Variants in ADCY7 observed in about 807,000 individuals in gnomAD.
The protein encoded by ADCY7 is adenylate cyclase 7, also known as adenylate cyclase type 7.
ADCY7 carries 72 observed loss-of-function variants against 120.6 expected under a neutral mutation model. The ratio of observed to expected loss-of-function variants is 0.60; its 90% CI spans 0.49 to 0.73. ADCY7 has a LOEUF of 0.73. ADCY7 is among the 30% of genes least tolerant of loss of function. ADCY7 has a pLI of 0.00. For synonymous variants in ADCY7, 661 were observed against 628.0 expected, an observed-to-expected ratio of 1.05 and a Z score of -0.78; for missense variants, 1,227 against 1,486.0, an observed-to-expected ratio of 0.83 and a Z score of 2.87.
intron 3 of ADCY7, 44 bp from the exon 4 acceptor site, chr16:50,291,692 G>C: frequency 6.2e-7 from 1 of 1,612,260 alleles, no homozygotes; most frequent in Non-Finnish European, 8.5e-7. Context: ...GTACGGCCTG[G>C]GGCAGCATCT....
intron 1 of ADCY7, among the ~76,000 whole-genome samples, chr16:50,250,539 G>T (rs928381178): frequency 6.6e-6 from 1 of 152,002 alleles, no homozygotes; most frequent in African/African-American, 2.4e-5. Flanking sequence ...AGCACTTTGG[G>T]AGGTTGAGGT....
chr16:50,254,446 A>G (rs759540854), intron 1 of ADCY7, among the ~76,000 whole-genome samples: 6 of 152,270 alleles, frequency 3.9e-5, no homozygotes, highest in Non-Finnish European at 8.8e-5. Context: ...GAAGCTGTAA[A>G]GTCAACACAC....
upstream of ADCY7, among the ~76,000 whole-genome samples, chr16:50,265,698 G>A (rs1454818314): frequency 6.6e-6 from 1 of 152,230 alleles, no homozygotes; most frequent in East Asian, 1.9e-4. Context: ...GGATGTGGGA[G>A]GTGGAGGAGG....
chr16:50,314,827 C>T, intron 24 of ADCY7, 187 bp from the exon 25 acceptor site: 2 of 658,298 alleles, frequency 3.0e-6, no homozygotes, highest in South Asian at 2.3e-5. Flanking sequence ...AAAGAGCTGG[C>T]CGGGGAATGC....
upstream of ADCY7, among the ~76,000 whole-genome samples, chr16:50,265,868 C>G (rs941636368): frequency 1.3e-5 from 2 of 152,242 alleles, no homozygotes; most frequent in Admixed American, 1.3e-4. Context: ...GATCTGCTCC[C>G]TCGCCACTGA....
intron 14 of ADCY7, 26 bp from the exon 15 acceptor site, chr16:50,307,023 AC>A (rs777190354): frequency 6.0e-5 from 95 of 1,584,448 alleles, no homozygotes; most frequent in Non-Finnish European, 8.1e-5. Context: ...GCTGGTGGCC[AC>A]CCCTCACAGT....
At chr16:50,303,833 A>G (rs1009939269) in intron 10 of ADCY7, among the ~76,000 whole-genome samples, 3 of 152,114 alleles carry the variant, frequency 2.0e-5, no homozygotes. Context: ...CGGGGCGGCT[A>G]GCACCCCTCT....
intron 1 of ADCY7, among the ~76,000 whole-genome samples, chr16:50,272,242 CCG>C (rs2150843427): frequency 1.3e-5 from 2 of 152,238 alleles, no homozygotes; most frequent in South Asian, 4.1e-4. Context: ...ATGCCACCAC[CCG>C]CCTTCTAGGG....
rs369781012 is a variant in ADCY7 at position 50,305,986 on chromosome 16, C to G, written c.1752+137C>G. On this transcript the variant is annotated intron_variant, in intron 14 of 25. Transcript: ENST00000673801. ...GGGCACTGAGAATCCACAGCTGCTC[C>G]TGGGCGGGGGGCAGGGGCGGGGCCA... 2.8e-4 allele frequency: 229 copies of G among 816,032 alleles called. No homozygotes were observed. The African/African-American group carries it at 3.2e-3, about 11-fold the overall frequency. 50.5% of individuals were successfully genotyped at this position (816,032 alleles called of 1,614,324 possible). A position where few individuals can be genotyped will look rare whatever the true frequency, so the allele number is the denominator to read the frequency against.
intron 1 of ADCY7, among the ~76,000 whole-genome samples, chr16:50,254,236 G>A (rs1010057639): frequency 6.6e-5 from 10 of 152,134 alleles, no homozygotes; most frequent in African/African-American, 1.4e-4. Context: ...CCACCAGCAC[G>A]CCACTCCACG....
chr16:50,290,681 C>A (rs771227380), intron 3 of ADCY7, 21 bp downstream of exon 3: 2 of 1,603,558 alleles, frequency 1.2e-6, no homozygotes, highest in Non-Finnish European at 1.7e-6. Context: ...CTCTGGACTC[C>A]CTGCCAGCTG....
chr16:50,305,893 C>T, intron 14 of ADCY7, 44 bp downstream of exon 14: 1 of 1,596,158 alleles, frequency 6.3e-7, no homozygotes, highest in South Asian at 1.1e-5. Flanking sequence ...ACGGGGTCTC[C>T]AGGCCTGGGG....
intron 3 of ADCY7, among the ~76,000 whole-genome samples, chr16:50,291,481 G>A (rs1178024672): frequency 1.3e-5 from 2 of 152,218 alleles, no homozygotes; most frequent in African/African-American, 4.8e-5. Context: ...TGGATCACGC[G>A]GGGCATGGAG....
chr16:50,253,804 G>C (rs1354812881), intron 1 of ADCY7, among the ~76,000 whole-genome samples: 1 of 152,208 alleles, frequency 6.6e-6, no homozygotes, highest in African/African-American at 2.4e-5. Flanking sequence ...GGTGGGGGTG[G>C]AGGCGGTGGT....
rs560116411 is a variant in ADCY7 at position 50,255,841 on chromosome 16, G to A, written c.-64+9638G>A. ...ATGCCAAGGACCCACTATGGGAAAA[G>A]GATAGCCTCTTCAATAAATGGTGTT... On this transcript the variant is annotated intron_variant, in intron 1 of 4. Transcript: ENST00000564044. Among the ~76,000 whole-genome samples, 5 of 152,300 alleles carry A rather than the reference G, an allele frequency of 3.3e-5. No homozygotes were observed. In the South Asian group the frequency reaches 6.2e-4, roughly 19 times the overall value.
chr16:50,297,760 G>A lies in ADCY7; in HGVS notation c.949-1144G>A, dbSNP rs908665277. Among the ~76,000 whole-genome samples the A allele has an allele frequency of 6.6e-6, 1 of 152,196 alleles. No homozygotes were observed. Among genetic ancestry groups the A allele is most frequent in the Non-Finnish European group, 1.5e-5 (1 of 68,028 alleles). ...CCTGGAGACAGATGGTGTTCCAGGA[G>A]CAGGCCTAGCCCTCGTGAGCCTGCA... On this transcript the variant is annotated intron_variant, in intron 7 of 25. Transcript: ENST00000673801. This position sits in a 1 kb window ranked among gnomAD's most constrained non-coding sequence, Gnocchi z 4.4.
chr16:50,314,079 G>C lies in ADCY7; in HGVS notation c.2856+17G>C. 2.5e-6 allele frequency: 4 copies of C among 1,610,452 alleles called. No individual in the cohort carries two copies. Among genetic ancestry groups the C allele is most frequent in the Non-Finnish European group, 3.4e-6 (4 of 1,177,022 alleles). The stretch of plus-strand genomic sequence containing the variant: ...GAGAACCAGGTACTCAAGCCCAAGA[G>C]GTGAAATTCAGCTGACTGTCCTCAC... On this transcript the variant is annotated intron_variant, in intron 23 of 25. Transcript: ENST00000673801.
chr16:50,258,499 T>G lies in ADCY7; in HGVS notation c.-64+12296T>G, dbSNP rs375867742. Among the ~76,000 whole-genome samples the G allele has an allele frequency of 7.7e-5, 10 of 130,102 alleles. 1 individual carries two copies. In the East Asian group the frequency reaches 1.8e-3, roughly 24 times the overall value. 85.4% of individuals were successfully genotyped at this position (130,102 alleles called of 152,430 possible). A position where few individuals can be genotyped will look rare whatever the true frequency, so the allele number is the denominator to read the frequency against. On this transcript the variant is annotated intron_variant, in intron 1 of 4. Coordinates refer to the ADCY7 transcript ENST00000564044. Reference sequence around the variant, plus strand: ...TGATTTTTTTCACACAACAGCACATTGGAGATGCTATTGGAAATTTCTGGG... The same window carrying G: ...TGATTTTTTTCACACAACAGCACATGGGAGATGCTATTGGAAATTTCTGGG...
At chr16:50,278,300 C>T (rs1454704458) in intron 1 of ADCY7, among the ~76,000 whole-genome samples, 1 of 152,188 alleles carries the variant, frequency 6.6e-6, no homozygotes, top group African/African-American at 2.4e-5. Context: ...CTCAGCCTAC[C>T]TAAGTGCCAA....
Sources: allele counts gnomAD v4.1 joint callset (sites outside exome capture counted in the v4.1 genomes callset), GRCh38; gene constraint gnomAD v4.1.1; non-coding constraint Gnocchi (gnomAD v3.1); transcripts MANE v1.5; gene names NCBI Gene and HGNC (gene_info 2026-07-23, HGNC 2026-07-21).